Variants in IHO1 observed in about 807,000 individuals in gnomAD.
IHO1 encodes interactor of HORMAD1 1.
IHO1 carries 13 observed loss-of-function variants against 31.0 expected under a neutral mutation model. That is an observed-to-expected ratio of 0.42 (90% confidence interval 0.27 to 0.67). The LOEUF is 0.67. Among genes scored for constraint, IHO1 ranks in the 30% least tolerant of loss-of-function variants. The probability of loss-of-function intolerance (pLI) is 0.24; values close to 1 mark genes in which losing one functional copy is unlikely to be tolerated. For missense variants in IHO1, 599 were observed against 687.5 expected, an observed-to-expected ratio of 0.87 and a Z score of 1.44; for synonymous variants, 221 against 248.4, an observed-to-expected ratio of 0.89 and a Z score of 1.04.
upstream of IHO1, among the ~76,000 whole-genome samples, chr3:49,197,133 A>C (rs940978613): frequency 2.1e-5 from 3 of 141,836 alleles, no homozygotes; most frequent in East Asian, 2.1e-4. Flanking sequence ...GGCTCGTGCC[A>C]CCACAGCCGG....
At position 49,241,493 on chromosome 3, in the gene IHO1, A is replaced by C. The variant is rs142018978; in HGVS notation, c.395+104A>C. On this transcript the variant is annotated intron_variant, in intron 4 of 7. Transcript: ENST00000452691. ...ATTCAATTTTAGCATAATAGCATGTATTAGAGTTCTCCAGAGAAACCAAAC... is the reference window on the plus strand; with the variant it reads ...ATTCAATTTTAGCATAATAGCATGTCTTAGAGTTCTCCAGAGAAACCAAAC... 4 of 1,089,980 alleles carry C rather than the reference A, an allele frequency of 3.7e-6. No homozygotes were observed. The East Asian group carries it at 1.0e-4, about 28-fold the overall frequency. 67.5% of individuals were successfully genotyped at this position (1,089,980 alleles called of 1,614,324 possible).
At chr3:49,196,463 C>G (rs1459958570), upstream of IHO1, among the ~76,000 whole-genome samples, 2 of 147,510 alleles carry the variant, frequency 1.4e-5, no homozygotes, top group Admixed American at 1.4e-4. Context: ...AGACTATAGG[C>G]GCCCACCACC....
intron 2 of IHO1, among the ~76,000 whole-genome samples, chr3:49,232,321 G>A (rs1282160120): frequency 6.6e-6 from 1 of 152,150 alleles, no homozygotes; most frequent in East Asian, 1.9e-4. Context: ...ATTGAATCTA[G>A]CATGATTGAC....
At chr3:49,215,226 T>G (rs557138282) in intron 2 of IHO1, among the ~76,000 whole-genome samples, 21 of 152,172 alleles carry the variant, frequency 1.4e-4, no homozygotes, top group Admixed American at 1.4e-3. Flanking sequence ...AATTTTTGTT[T>G]TTTTGTAAAG....
intron 1 of IHO1, among the ~76,000 whole-genome samples, chr3:49,209,613 G>A (rs574243807): frequency 7.9e-5 from 12 of 151,426 alleles, no homozygotes; most frequent in South Asian, 4.2e-4. Flanking sequence ...TCCAGCCTGC[G>A]TGACAGAGTG....
chr3:49,223,180 G>A (rs1279717150), intron 2 of IHO1, among the ~76,000 whole-genome samples: 3 of 152,190 alleles, frequency 2.0e-5, no homozygotes. Context: ...CATATGGACT[G>A]AGCCCCATAT....
intron 3 of IHO1, among the ~76,000 whole-genome samples, chr3:49,240,067 A>G (rs529896624): frequency 6.6e-6 from 1 of 151,804 alleles, no homozygotes; most frequent in South Asian, 2.1e-4. Context: ...TTCTTTTGAG[A>G]CAGAGTCGCA....
In IHO1 at chr3:49,257,409, C is replaced by A; in HGVS notation, c.*127C>A. 1.1e-6 allele frequency: 1 copy of A among 918,478 alleles called. No individual in the cohort carries two copies. The highest frequency in any genetic ancestry group is 1.7e-6 in the Non-Finnish European group (1 of 596,492). 56.9% of individuals were successfully genotyped at this position (918,478 alleles called of 1,614,324 possible). On this transcript the variant is annotated 3_prime_UTR_variant, in exon 8 of 8. Coordinates refer to ENST00000452691, the MANE Select transcript of IHO1 (RefSeq NM_001135197.2). ...GGTCAGAGGCCCTGCTGAGGTGGGG[C>A]AATGAGCACGAGGGCAGGGAAGGTC...
intron 6 of IHO1, chr3:49,245,240 G>C (rs2046679914): frequency 1.2e-5 from 2 of 161,488 alleles, no homozygotes; most frequent in African/African-American, 4.8e-5. Context: ...AGGCTGGAGT[G>C]CAGTGGCGCA....
rs192384233 is a variant in IHO1 at position 49,247,258 on chromosome 3, C to A, written c.532+2525C>A. On this transcript the variant is annotated intron_variant, in intron 6 of 7. Transcript: ENST00000452691. ...TGTTTTTGTTTTTTTGAGATGGAGTCTCGCTCTGTCACCCAGGCTGGAGTG... is the reference window on the plus strand; with the variant it reads ...TGTTTTTGTTTTTTTGAGATGGAGTATCGCTCTGTCACCCAGGCTGGAGTG... Among the ~76,000 whole-genome samples, 281 of 149,730 alleles carry A rather than the reference C, an allele frequency of 1.9e-3. 6 individuals carry two copies. The highest frequency in any genetic ancestry group is 7.6e-3 in the Middle Eastern group (2 of 264).
rs369715767 is a variant in IHO1 at position 49,233,076 on chromosome 3, C to T, written c.57-3472C>T. On this transcript the variant is annotated intron_variant, in intron 2 of 7. Coordinates refer to ENST00000452691, the MANE Select transcript of IHO1 (RefSeq NM_001135197.2). ...CATTGCAGAATAGGCACAGGTGCTG[C>T]GTAACGATTCCTGTGGAATCGTTAT... Among the ~76,000 whole-genome samples, 18 of 152,152 alleles carry T rather than the reference C, an allele frequency of 1.2e-4. No homozygotes were observed. The East Asian group carries it at 2.1e-3, about 18-fold the overall frequency.
At chr3:49,213,687 C>T (rs2046250901) in intron 2 of IHO1, among the ~76,000 whole-genome samples, 1 of 152,348 alleles carries the variant, frequency 6.6e-6, no homozygotes, top group African/African-American at 2.4e-5. Flanking sequence ...GGCCCAGGTG[C>T]TAGGCCCCTC....
upstream of IHO1, among the ~76,000 whole-genome samples, chr3:49,195,944 A>G (rs1267007282): frequency 1.3e-5 from 2 of 151,408 alleles, no homozygotes; most frequent in East Asian, 2.0e-4. Flanking sequence ...ACTAAAAAAA[A>G]AAAAATACAG....
At chr3:49,219,617 GT>G (rs1355233212) in intron 2 of IHO1, among the ~76,000 whole-genome samples, 3 of 152,118 alleles carry the variant, frequency 2.0e-5, no homozygotes, top group Non-Finnish European at 4.4e-5. Context: ...GTGCCGCTGG[GT>G]TAGGGTCTCC....
At chr3:49,223,791 T>C (rs2046384140) in intron 2 of IHO1, among the ~76,000 whole-genome samples, 1 of 152,198 alleles carries the variant, frequency 6.6e-6, no homozygotes, top group Non-Finnish European at 1.5e-5. Context: ...TCCTGAGCCT[T>C]CTCTGTCTTG....
At chr3:49,244,328 T>C in intron 4 of IHO1, 76 bp from the exon 5 acceptor site, 1 of 914,054 alleles carries the variant, frequency 1.1e-6, no homozygotes, top group Non-Finnish European at 1.8e-6. Flanking sequence ...ATCTGCCATA[T>C]TTATGGAATC....
chr3:49,236,095 G>A (rs1345388321), intron 2 of IHO1, among the ~76,000 whole-genome samples: 1 of 152,090 alleles, frequency 6.6e-6, no homozygotes. Context: ...ACAAAAATTA[G>A]CCTGGTGTGG....
At chr3:49,231,889 G>T (rs1446026496) in intron 2 of IHO1, among the ~76,000 whole-genome samples, 3 of 152,216 alleles carry the variant, frequency 2.0e-5, no homozygotes, top group Admixed American at 6.5e-5. Flanking sequence ...GCCAAATGGT[G>T]CATTCCTCAT....
intron 6 of IHO1, among the ~76,000 whole-genome samples, chr3:49,251,143 C>CA (rs148810625): frequency 0.018 from 2,732 of 151,944 alleles, 95 homozygotes; most frequent in African/African-American, 0.062. Context: ...TGTTTTGAGA[C>CA]AGAGTCTCTC....
Sources: gnomAD v4.1 joint callset for allele counts (sites outside exome capture counted in the v4.1 genomes callset) on GRCh38, gnomAD v4.1.1 for gene constraint, MANE v1.5 for transcripts, NCBI Gene and HGNC (gene_info 2026-07-23, HGNC 2026-07-21) for gene names.